Variants in CDKL5 observed in about 807,000 individuals in gnomAD.
The protein encoded by CDKL5 is cyclin-dependent kinase-like 5.
CDKL5 carries 8 observed loss-of-function variants against 61.7 expected under a neutral mutation model. The observed-to-expected ratio is 0.13, with a 90% CI of 0.08 to 0.23. The LOEUF (loss-of-function observed/expected upper bound fraction) is 0.23. Among genes scored for constraint, CDKL5 ranks in the 10% least tolerant of loss-of-function variants. CDKL5 has a pLI of 1.00. For missense variants in CDKL5, 440 were observed against 734.5 expected (o/e 0.60, Z 4.63); for synonymous variants, 275 against 272.3 (o/e 1.01, Z -0.10).
At position 18,609,608 on chromosome X, in the gene CDKL5, C is replaced by T. The variant is rs370662560; in HGVS notation, c.2152+38C>T. The T allele has an allele frequency of 2.4e-5, 29 of 1,203,555 alleles. No homozygotes were observed. The African/African-American group carries it at 5.1e-4, about 21-fold the overall frequency. The stretch of plus-strand genomic sequence containing the variant: ...CCGGCATTCAACAGGTTCCCCTCTC[C>T]TCCCTCTCTCACTTTATGTGCACAC... On this transcript the variant is annotated intron_variant, in intron 14 of 17. Transcript: ENST00000623535.
intron 3 of CDKL5, among the ~76,000 whole-genome samples, chrX:18,539,925 T>C (rs1923962963): frequency 9.0e-6 from 1 of 111,690 alleles, no homozygotes; most frequent in South Asian, 3.8e-4. Context: ...CTTTAGACCC[T>C]TTTGCCCTCC....
chrX:18,650,658 G>C (rs1040778236), intron 21 of CDKL5: 1 of 1,124,734 alleles, frequency 8.9e-7, no homozygotes, highest in Non-Finnish European at 1.2e-6. Context: ...CCGAGGAGCT[G>C]TAGAAATGCA....
At chrX:18,600,400 T>C (rs183032841) in intron 11 of CDKL5, among the ~76,000 whole-genome samples, 1 of 111,730 alleles carries the variant, frequency 9.0e-6, no homozygotes, top group East Asian at 2.8e-4. Context: ...ATTTAGGGGG[T>C]GCAAATTAGT....
At chrX:18,568,110 C>T (rs942161366) in intron 4 of CDKL5, among the ~76,000 whole-genome samples, 4 of 112,157 alleles carry the variant, frequency 3.6e-5, no homozygotes, top group Non-Finnish European at 5.6e-5. Context: ...TTCTCATGAA[C>T]GCATATGGCT....
At chrX:18,452,937 T>C (rs1299577676) in intron 1 of CDKL5, among the ~76,000 whole-genome samples, 1 of 106,110 alleles carries the variant, frequency 9.4e-6, no homozygotes, top group Non-Finnish European at 1.9e-5. Context: ...TTCAAGTGAT[T>C]CTCGTGCTTC....
intron 20 of CDKL5, chrX:18,647,752 C>T (rs768773165): frequency 5.9e-6 from 1 of 169,669 alleles, no homozygotes; most frequent in Non-Finnish European, 1.1e-5. Context: ...CTCATGACGT[C>T]AGGTCTCTTG....
chrX:18,449,001 C>G (rs1385057187), intron 1 of CDKL5, among the ~76,000 whole-genome samples: 2 of 111,514 alleles, frequency 1.8e-5, no homozygotes, highest in Non-Finnish European at 3.8e-5. Flanking sequence ...ATTACAGGCG[C>G]CCGCCACCAT....
intron 17 of CDKL5, among the ~76,000 whole-genome samples, chrX:18,627,955 T>C (rs750800739): frequency 1.6e-4 from 18 of 111,601 alleles, no homozygotes; most frequent in Non-Finnish European, 2.8e-4. Context: ...CTGCTAGATA[T>C]GGCTGTGTAC....
chrX:18,509,246 C>G lies in CDKL5; in HGVS notation c.65-1574C>G, dbSNP rs1048114009. On this transcript the variant is annotated intron_variant, in intron 2 of 17. Coordinates refer to ENST00000623535, the MANE Select transcript of CDKL5 (RefSeq NM_001323289.2). ...ACACACACACACACACACACACACA[C>G]CCCTGTCAAGCAAACTCTGCATTCT... Among the ~76,000 whole-genome samples the G allele has an allele frequency of 1.1e-4, 11 of 97,272 alleles. No individual in the cohort carries two copies. In the East Asian group the frequency reaches 4.2e-3, roughly 37 times the overall value. The allele number at this position is 97,272 out of a possible 115,157, so 84.5% of individuals were successfully genotyped here.
At chrX:18,597,910 A>G (rs967303184) in intron 10 of CDKL5, among the ~76,000 whole-genome samples, 1 of 111,119 alleles carries the variant, frequency 9.0e-6, no homozygotes, top group Non-Finnish European at 1.9e-5. Flanking sequence ...ATTATTTCTT[A>G]GGATCTTATG....
intron 1 of CDKL5, among the ~76,000 whole-genome samples, chrX:18,435,679 G>A (rs1278798883): frequency 9.0e-6 from 1 of 111,510 alleles, no homozygotes; most frequent in East Asian, 2.8e-4. Context: ...CGATTTTTGT[G>A]CTTCAGCCTC....
intron 14 of CDKL5, among the ~76,000 whole-genome samples, chrX:18,612,192 C>T (rs1461923453): frequency 5.4e-5 from 6 of 111,536 alleles, no homozygotes; most frequent in South Asian, 7.5e-4. Flanking sequence ...TGTTTAAAAA[C>T]GAGTGATACT....
chrX:18,509,414 A>G (rs1290503814), intron 2 of CDKL5, among the ~76,000 whole-genome samples: 1 of 111,012 alleles, frequency 9.0e-6, no homozygotes. Flanking sequence ...GGATTCATCC[A>G]TCTCTACCAA....
At chrX:18,624,114 T>C in intron 16 of CDKL5, 1 of 263,939 alleles carries the variant, frequency 3.8e-6, no homozygotes, top group Non-Finnish European at 5.2e-6. Context: ...GCTAGTTAAG[T>C]ACGTGAGCCA....
intron 1 of CDKL5, among the ~76,000 whole-genome samples, chrX:18,429,946 G>A (rs1008563892): frequency 8.0e-5 from 9 of 112,071 alleles, no homozygotes; most frequent in Admixed American, 2.8e-4. Context: ...CACCCCAAGG[G>A]TATTTTGAGT....
At chrX:18,428,724 T>C (rs911749113) in intron 1 of CDKL5, among the ~76,000 whole-genome samples, 1 of 91,595 alleles carries the variant, frequency 1.1e-5, no homozygotes, top group African/African-American at 3.9e-5. Flanking sequence ...GATTTTAAAG[T>C]TTTTTTTTTT....
At chrX:18,594,920 C>T (rs1036496691) in intron 9 of CDKL5, among the ~76,000 whole-genome samples, 4 of 112,245 alleles carry the variant, frequency 3.6e-5, no homozygotes, top group East Asian at 2.8e-4. Flanking sequence ...TGGTGGCTCA[C>T]GCCTGTAATC....
chrX:18,511,285 T>C (rs1258086364), intron 3 of CDKL5, among the ~76,000 whole-genome samples: 1 of 111,431 alleles, frequency 9.0e-6, no homozygotes, highest in Non-Finnish European at 1.9e-5. Flanking sequence ...GGATGTTGTT[T>C]AATGAAGTGG....
At chrX:18,465,930 C>T (rs1257188882) in intron 1 of CDKL5, among the ~76,000 whole-genome samples, 1 of 111,889 alleles carries the variant, frequency 8.9e-6, no homozygotes, top group Non-Finnish European at 1.9e-5. Flanking sequence ...TTGATGGTTT[C>T]AGGAATGGTA....
Sources: allele counts gnomAD v4.1 joint callset (sites outside exome capture counted in the v4.1 genomes callset), GRCh38; gene constraint gnomAD v4.1.1; transcripts MANE v1.5; gene names NCBI Gene and HGNC (gene_info 2026-07-23, HGNC 2026-07-21).